Variants in PRKN observed in about 807,000 individuals in gnomAD.
The protein encoded by PRKN is E3 ubiquitin-protein ligase parkin.
In PRKN, 56 loss-of-function variants were observed where a neutral mutation model predicts 59.5. That is an observed-to-expected ratio of 0.94 (90% CI 0.76 to 1.18). PRKN has a LOEUF of 1.18. Ranked by LOEUF, PRKN falls within the 50% of genes most tolerant of loss-of-function variation. The pLI, the probability that PRKN is intolerant of heterozygous loss-of-function variation, is 0.00. For missense variants in PRKN, 657 were observed against 596.4 expected (o/e 1.10, Z -1.06); for synonymous variants, 250 against 222.1 (o/e 1.13, Z -1.12).
intron 2 of PRKN, chr6:162,266,466 T>C (rs556938949): frequency 3.9e-5 from 6 of 152,140 alleles, no homozygotes; most frequent in African/African-American, 1.4e-4. Context: ...ATCTATGAAT[T>C]CTAAAAGTTT....
chr6:162,587,185 G>A (rs1475741222), intron 1 of PRKN, among the ~76,000 whole-genome samples: 3 of 152,110 alleles, frequency 2.0e-5, no homozygotes, highest in African/African-American at 7.2e-5. Context: ...TACCCACGCT[G>A]GAGTACAGTG....
At chr6:162,552,247 G>C (rs761366097) in intron 1 of PRKN, among the ~76,000 whole-genome samples, 3 of 152,146 alleles carry the variant, frequency 2.0e-5, no homozygotes, top group African/African-American at 4.8e-5. Context: ...GGCTATACTG[G>C]CCAGGAGAGT....
intron 3 of PRKN, among the ~76,000 whole-genome samples, chr6:162,258,683 C>CTGAGCCCAGT (rs1357222697): frequency 1.3e-5 from 2 of 152,314 alleles, no homozygotes; most frequent in Admixed American, 6.5e-5. Context: ...CCATCCAAGG[C>CTGAGCCCAGT]CAACTGGTCT....
chr6:162,215,155 A>C (rs1240746333), intron 3 of PRKN, among the ~76,000 whole-genome samples: 1 of 152,164 alleles, frequency 6.6e-6, no homozygotes, highest in African/African-American at 2.4e-5. Flanking sequence ...TAGGGGTCGT[A>C]AGCTACATTC....
intron 6 of PRKN, among the ~76,000 whole-genome samples, chr6:161,879,398 A>G (rs1583290909): frequency 8.0e-6 from 1 of 124,812 alleles, no homozygotes; most frequent in Non-Finnish European, 1.6e-5. Context: ...GGCTGGGTGG[A>G]GTACAGTGGT....
In PRKN at chr6:161,461,890, C is replaced by A. The variant is rs113526396; in HGVS notation, c.1084-75013G>T. Among the ~76,000 whole-genome samples, 274 of 152,240 alleles carry A rather than the reference C, an allele frequency of 1.8e-3. No individual in the cohort carries two copies. Among genetic ancestry groups the A allele is most frequent in the African/African-American group, 6.3e-3 (263 of 41,534 alleles). On this transcript the variant is annotated intron_variant, in intron 9 of 11. Transcript: ENST00000366898. The surrounding 1 kb of genome is among the most constrained non-coding windows in gnomAD (Gnocchi z 5.1). Reference sequence around the variant, plus strand: ...ATAGGCAGTCAGAACTGCAGAAATACACGAGAAGGTCTGAGGGAGGGCTTG... The same window carrying A: ...ATAGGCAGTCAGAACTGCAGAAATAAACGAGAAGGTCTGAGGGAGGGCTTG...
rs140754851 is a variant in PRKN, at chr6:161,768,525, T to C, written c.871+17247A>G. Among the ~76,000 whole-genome samples, 257 of 152,286 alleles carry C rather than the reference T, an allele frequency of 1.7e-3. 1 individual carries two copies. Among genetic ancestry groups the C allele is most frequent in the African/African-American group, 6.0e-3 (250 of 41,556 alleles). On this transcript the variant is annotated intron_variant, in intron 7 of 11. Coordinates refer to ENST00000366898, the MANE Select transcript of PRKN (RefSeq NM_004562.3). ...CAATGCAAATACTGCTTCTATTTTA[T>C]ATACATTTAAACACATGGAAAACAA... is the stretch of plus-strand genomic sequence containing the variant.
chr6:162,250,284 T>C (rs1779378967), intron 3 of PRKN, among the ~76,000 whole-genome samples: 1 of 152,184 alleles, frequency 6.6e-6, no homozygotes, highest in Admixed American at 6.5e-5. Context: ...TTGAGCTTGT[T>C]TTCCTATTGG....
chr6:162,046,305 G>C (rs1784247600), intron 5 of PRKN, among the ~76,000 whole-genome samples: 1 of 152,202 alleles, frequency 6.6e-6, no homozygotes, highest in Admixed American at 6.5e-5. Flanking sequence ...CCTCATATTT[G>C]AATATGTTGT....
At chr6:161,671,303 C>T (rs554318053) in intron 7 of PRKN, among the ~76,000 whole-genome samples, 11 of 152,244 alleles carry the variant, frequency 7.2e-5, no homozygotes, top group South Asian at 2.1e-4. Context: ...ATGGTACATG[C>T]GTCCCAGGAA....
Position 162,274,184 on chromosome 6 carries a change from T to TAATTAATTAATTA in PRKN, c.172-11420_172-11419insTAATTAATTAATT, listed in dbSNP as rs1562631941. The stretch of plus-strand genomic sequence containing the variant: ...TAATTAATTTATTAATTTATTAATG[T>TAATTAATTAATTA]ATTTATTTATTTATTTATTTTGTGA... On this transcript the variant is annotated intron_variant, in intron 2 of 11. Coordinates refer to ENST00000366898, the MANE Select transcript of PRKN (RefSeq NM_004562.3). 2.1e-5 allele frequency among the ~76,000 whole-genome samples: 3 copies of TAATTAATTAATTA among 142,782 alleles called. No individual in the cohort carries two copies. The South Asian group carries it at 6.2e-4, about 30-fold the overall frequency. 93.7% of individuals were successfully genotyped at this position (142,782 alleles called of 152,430 possible).
chr6:161,836,451 A>G (rs569240985), intron 6 of PRKN, among the ~76,000 whole-genome samples: 1 of 152,292 alleles, frequency 6.6e-6, no homozygotes, highest in South Asian at 2.1e-4. Flanking sequence ...TCCTACATGC[A>G]ATCAATTTTC....
At chr6:161,715,852 C>G (rs182196169) in intron 7 of PRKN, among the ~76,000 whole-genome samples, 140 of 152,320 alleles carry the variant, frequency 9.2e-4, no homozygotes, top group African/African-American at 3.3e-3. Flanking sequence ...CTAGGACCCT[C>G]TGCTCTGCTG....
At chr6:162,557,664 C>A (rs986574026) in intron 1 of PRKN, among the ~76,000 whole-genome samples, 2 of 152,176 alleles carry the variant, frequency 1.3e-5, no homozygotes, top group Non-Finnish European at 2.9e-5. Context: ...CGCCCGCCAT[C>A]ACACCCAGCT....
chr6:161,904,243 G>C (rs1778044922), intron 6 of PRKN, among the ~76,000 whole-genome samples: 1 of 151,748 alleles, frequency 6.6e-6, no homozygotes, highest in African/African-American at 2.4e-5. Flanking sequence ...ACAGTTTGGG[G>C]GGAAAAAAAT....
intron 1 of PRKN, among the ~76,000 whole-genome samples, chr6:162,718,673 A>T (rs1181541467): frequency 6.6e-6 from 1 of 152,066 alleles, no homozygotes; most frequent in Non-Finnish European, 1.5e-5. Context: ...CGATCACGCC[A>T]CTGCACTCCA....
rs1780465780 is a variant in PRKN at position 161,561,816 on chromosome 6, C to T, written c.933+7539G>A. 1.3e-5 allele frequency among the ~76,000 whole-genome samples: 2 copies of T among 152,182 alleles called. No individual in the cohort carries two copies. Among genetic ancestry groups the T allele is most frequent in the Admixed American group, 1.3e-4 (2 of 15,288 alleles). ...GAACTGTCTTGTGGTTGCTGCATTT[C>T]TCTTTCTCTTCATAGCAAACCCTCT... is the stretch of plus-strand genomic sequence containing the variant. On this transcript the variant is annotated intron_variant, in intron 8 of 11. Coordinates refer to ENST00000366898, the MANE Select transcript of PRKN (RefSeq NM_004562.3). The surrounding 1 kb of genome is among the most constrained non-coding windows in gnomAD (Gnocchi z 5.0).
intron 8 of PRKN, among the ~76,000 whole-genome samples, chr6:161,565,839 C>A (rs1780620518): frequency 6.6e-6 from 1 of 152,134 alleles, no homozygotes. Context: ...AAACAACCAG[C>A]AGAGACCCTA....
At chr6:162,593,535 A>G (rs1048087337) in intron 1 of PRKN, among the ~76,000 whole-genome samples, 1 of 152,292 alleles carries the variant, frequency 6.6e-6, no homozygotes, top group South Asian at 2.1e-4. Flanking sequence ...GAAATCTCAC[A>G]ATACGGTTCC....
Sources: allele counts gnomAD v4.1 joint callset (sites outside exome capture counted in the v4.1 genomes callset), GRCh38; gene constraint gnomAD v4.1.1; non-coding constraint Gnocchi (gnomAD v3.1); transcripts MANE v1.5; gene names NCBI Gene and HGNC (gene_info 2026-07-23, HGNC 2026-07-21).